The following SLC17A9 variants were observed in gnomAD, a reference collection of about 807,000 sequenced individuals.
SLC17A9 encodes the protein voltage-gated purine nucleotide uniporter SLC17A9.
SLC17A9 carries 49 observed loss-of-function variants against 55.0 expected under a neutral mutation model. The observed-to-expected ratio is 0.89, with a 90% CI of 0.71 to 1.13. The LOEUF (loss-of-function observed/expected upper bound fraction) is 1.13, where lower values mean the gene tolerates loss of function less well. SLC17A9 is among the 50% of genes most tolerant of loss of function. The probability of loss-of-function intolerance (pLI) is 0.00; values close to 1 mark genes in which losing one functional copy is unlikely to be tolerated. For synonymous variants in SLC17A9, 256 were observed against 247.4 expected (o/e 1.03, Z -0.32); for missense variants, 526 against 569.3 (o/e 0.92, Z 0.77).
intron 7 of SLC17A9, 122 bp downstream of exon 7, chr20:62,963,802 G>C (rs2065611005): frequency 1.1e-6 from 1 of 909,138 alleles, no homozygotes; most frequent in Non-Finnish European, 1.7e-6. Flanking sequence ...TGGACTCTGA[G>C]GGTCCTGGCA....
chr20:62,965,847 C>G, intron 10 of SLC17A9, 122 bp downstream of exon 10: 1 of 915,532 alleles, frequency 1.1e-6, no homozygotes, highest in Non-Finnish European at 1.7e-6. Context: ...ACCCCCTTCC[C>G]AAGCTGCTGG....
In SLC17A9 at chr20:62,957,511, C is replaced by A. The variant is rs761529338; in HGVS notation, c.328C>A (p.Leu110Ile). 1 of 1,610,346 alleles carries A rather than the reference C, an allele frequency of 6.2e-7. No individual in the cohort carries two copies. The highest frequency in any genetic ancestry group is 1.1e-5 in the South Asian group (1 of 90,646). ...WGSITAVTPL[L>I]AHLSSAHLAF... ...CTCCATCACGGCCGTCACCCCACTG[C>A]TCGCCCACCTGAGCAGTGCCCACCT... Residue 110 changes from leucine (L) to isoleucine (I), a missense_variant, in exon 3 of 13, where the codon CTC becomes ATC. Coordinates refer to ENST00000370351, the MANE Select transcript of SLC17A9 (RefSeq NM_022082.4).
Position 62,967,433 on chromosome 20 carries a change from T to G in SLC17A9, c.1244T>G (p.Leu415Arg). The change falls in exon 13 of 13, where the codon CTG (leucine) becomes CGG (arginine). Residue 415 changes from leucine (L) to arginine (R), a missense_variant. By Grantham distance (102) the Leu-to-Arg change is moderately radical (BLOSUM62 -2). Coordinates refer to ENST00000370351, the MANE Select transcript of SLC17A9 (RefSeq NM_022082.4). ...NLVAIISNLG[L>R]CTFLVFGQAQ... ...GTGGCCATCATCAGCAACCTGGGGC[T>G]GTGCACCTTCCTGGTGTTTGGACAG... The G allele has an allele frequency of 6.2e-7, 1 of 1,614,206 alleles. No homozygotes were observed. Among genetic ancestry groups the G allele is most frequent in the Non-Finnish European group, 8.5e-7 (1 of 1,180,028 alleles).
chr20:62,967,615 A>G lies in SLC17A9; in HGVS notation c.*115A>G. The G allele has an allele frequency of 8.7e-7, 1 of 1,154,028 alleles. No individual in the cohort carries two copies. The highest frequency in any genetic ancestry group is 1.2e-6 in the Non-Finnish European group (1 of 840,904). 71.5% of individuals were successfully genotyped at this position (1,154,028 alleles called of 1,614,324 possible). A position where few individuals can be genotyped will look rare whatever the true frequency, so the allele number is the denominator to read the frequency against. ...CAGACACACGAGCAGAGAGGAACAC[A>G]AACCACTGTGGAGCCTGAAGCTCCT... On this transcript the variant is annotated 3_prime_UTR_variant, in exon 13 of 13. Transcript: ENST00000370351.
chr20:62,952,876 AC>A lies in SLC17A9; in HGVS notation c.49del (p.Gln17SerfsTer35). ...DEARRDMAGDTQWSRPECQAW... is the reference protein window; with the variant it reads ...DEARRDMAGDXQWSRPECQAW... ...GGCCCGCAGGGACATGGCCGGGGAC[AC>A]CCAGTGGTCCAGGTGTGGCGGGGGT... On this transcript the variant is annotated frameshift_variant, in exon 1 of 13. Coordinates refer to ENST00000370351, the MANE Select transcript of SLC17A9 (RefSeq NM_022082.4). LOFTEE classifies it high-confidence loss of function. 1 of 903,856 alleles carries A rather than the reference AC, an allele frequency of 1.1e-6. No individual in the cohort carries two copies. The highest frequency in any genetic ancestry group is 1.4e-6 in the Non-Finnish European group (1 of 690,294). 56.0% of individuals were successfully genotyped at this position (903,856 alleles called of 1,614,324 possible). A position where few individuals can be genotyped will look rare whatever the true frequency, so the allele number is the denominator to read the frequency against.
chr20:62,955,308 TG>T (rs1568910244), intron 1 of SLC17A9, among the ~76,000 whole-genome samples: 1 of 151,554 alleles, frequency 6.6e-6, no homozygotes, highest in Admixed American at 6.6e-5. Context: ...CCACTACGCC[TG>T]GCTAATTTTT....
intron 10 of SLC17A9, 44 bp downstream of exon 10, chr20:62,965,769 C>A (rs1255474226): frequency 1.3e-6 from 2 of 1,581,044 alleles, no homozygotes; most frequent in African/African-American, 2.7e-5. Flanking sequence ...GTGCTGCCCG[C>A]ACGGCCGAGG....
At chr20:62,960,634 G>A (rs1233421594) in intron 4 of SLC17A9, 31 bp downstream of exon 4, 1 of 1,589,350 alleles carries the variant, frequency 6.3e-7, no homozygotes, top group Admixed American at 1.8e-5. Context: ...GGGCCCAGGA[G>A]AGGCCACCAG....
In SLC17A9 at chr20:62,952,860, G is replaced by A; in HGVS notation, c.30G>A (p.Arg10=). The part of the protein sequence containing the change: MQPPPDEAR[R]DMAGDTQWSR... ...AGCCACCCCCAGACGAGGCCCGCAG[G>A]GACATGGCCGGGGACACCCAGTGGT... Residue 10 remains arginine, a synonymous_variant, in exon 1 of 13, where the codon AGG becomes AGA. Transcript: ENST00000370351. 1 of 1,509,482 alleles carries A rather than the reference G, an allele frequency of 6.6e-7. No individual in the cohort carries two copies. The highest frequency in any genetic ancestry group is 1.2e-5 in the South Asian group (1 of 82,388). 93.5% of individuals were successfully genotyped at this position (1,509,482 alleles called of 1,614,324 possible).
chr20:62,956,800 T>C lies in SLC17A9; in HGVS notation c.95T>C (p.Leu32Pro), dbSNP rs1339866333. ...ECQAWTGTLL[L>P]GTCLLYCARS... ...CAGGCATGGACGGGGACGCTGCTGCTGGGCACATGCCTTCTGTACTGCGCC... is the reference window on the plus strand; with the variant it reads ...CAGGCATGGACGGGGACGCTGCTGCCGGGCACATGCCTTCTGTACTGCGCC... The change falls in exon 2 of 13, where the codon CTG becomes CCG. Residue 32 changes from leucine to proline, a missense_variant. Coordinates refer to ENST00000370351, the MANE Select transcript of SLC17A9 (RefSeq NM_022082.4). The C allele has an allele frequency of 2.5e-6, 4 of 1,612,666 alleles. No individual in the cohort carries two copies. The highest frequency in any genetic ancestry group is 3.4e-6 in the Non-Finnish European group (4 of 1,179,938).
chr20:62,959,016 G>A (rs1211424399), intron 3 of SLC17A9, among the ~76,000 whole-genome samples: 2 of 152,228 alleles, frequency 1.3e-5, no homozygotes, highest in Non-Finnish European at 2.9e-5. Context: ...CACTGCAGGA[G>A]CTGGAGGAGG....
intron 3 of SLC17A9, among the ~76,000 whole-genome samples, 172 bp downstream of exon 3, chr20:62,957,752 GTGTGT>G (rs778966453): frequency 6.6e-6 from 1 of 150,470 alleles, no homozygotes; most frequent in East Asian, 2.0e-4. Flanking sequence ...GCGTGTGTAA[GTGTGT>G]GTATGGCATG....
In SLC17A9 at chr20:62,964,268, C is replaced by T. The variant is rs201570619; in HGVS notation, c.863C>T (p.Pro288Leu). ...GTGGTTCCTTGGTTGGTGGCGATTCCGGCCAGTCTATTCAGCGGGTTTCTC... is the reference window on the plus strand; with the variant it reads ...GTGGTTCCTTGGTTGGTGGCGATTCTGGCCAGTCTATTCAGCGGGTTTCTC... ...FNVVPWLVAI[P>L]ASLFSGFLSD... The change falls in exon 8 of 13, where the codon CCG becomes CTG. Residue 288 changes from proline (P) to leucine (L), a missense_variant. Physicochemically the swap from Pro to Leu is moderately conservative, Grantham distance 98. Transcript: ENST00000370351. 2.7e-5 allele frequency: 44 copies of T among 1,614,118 alleles called. No homozygotes were observed. The highest frequency in any genetic ancestry group is 2.2e-4 in the Admixed American group (13 of 60,012).
intron 3 of SLC17A9, 76 bp from the exon 4 acceptor site, chr20:62,960,427 AG>A (rs1404759253): frequency 5.1e-6 from 7 of 1,383,252 alleles, no homozygotes; most frequent in Admixed American, 4.0e-5. Flanking sequence ...CTGGAATCAC[AG>A]CCCAAACCTG....
At chr20:62,957,992 G>C (rs117746123) in intron 3 of SLC17A9, among the ~76,000 whole-genome samples, 1 of 152,160 alleles carries the variant, frequency 6.6e-6, no homozygotes, top group Non-Finnish European at 1.5e-5. Context: ...GTGCGTGTGC[G>C]TACGTATGTG....
intron 7 of SLC17A9, 21 bp from the exon 8 acceptor site, chr20:62,964,207 A>G: frequency 1.2e-6 from 2 of 1,613,544 alleles, no homozygotes; most frequent in South Asian, 2.2e-5. Flanking sequence ...GCCCCCTCTA[A>G]GGCCAAACTC....
At position 62,966,703 on chromosome 20, in the gene SLC17A9, G is replaced by C; in HGVS notation, c.1118G>C (p.Gly373Ala). Residue 373 changes from glycine to alanine, a missense_variant and splice_region_variant, in exon 12 of 13, where the codon GGT becomes GCT. Transcript: ENST00000370351. Reference sequence around the variant, plus strand: ...CTCTCTCGCTCTGGCCTCTTCACAGGTGTGGCCAACACAGCCGGGGCCTTG... The same window carrying C: ...CTCTCTCGCTCTGGCCTCTTCACAGCTGTGGCCAACACAGCCGGGGCCTTG... ...LAPSCAGFLF[G>A]VANTAGALAG... 1 of 1,613,396 alleles carries C rather than the reference G, an allele frequency of 6.2e-7. No individual in the cohort carries two copies. The highest frequency in any genetic ancestry group is 1.3e-5 in the African/African-American group (1 of 75,000).
At chr20:62,966,898 G>GTGGAACCTGGAA in intron 12 of SLC17A9, 166 bp downstream of exon 12, 1 of 828,864 alleles carries the variant, frequency 1.2e-6, no homozygotes, top group Non-Finnish European at 1.8e-6. Flanking sequence ...CTGCCTTCCA[G>GTGGAACCTGGAA]GTTCCACTGG....
At chr20:62,954,931 C>T (rs1344430261) in intron 1 of SLC17A9, among the ~76,000 whole-genome samples, 1 of 152,200 alleles carries the variant, frequency 6.6e-6, no homozygotes, top group African/African-American at 2.4e-5. Flanking sequence ...CAGTGCGGGG[C>T]AGGTGCCACC....
Sources: gnomAD v4.1 joint callset for allele counts (sites outside exome capture counted in the v4.1 genomes callset) on GRCh38, gnomAD v4.1.1 for gene constraint, MANE v1.5 for transcripts, NCBI Gene and HGNC (gene_info 2026-07-23, HGNC 2026-07-21) for gene names.